MAMDC2: variants seen among roughly 807,000 people sequenced by gnomAD.
The protein encoded by MAMDC2 is MAM domain-containing protein 2.
A neutral mutation model predicts 89.8 loss-of-function variants in MAMDC2; 57 were observed. That is an observed-to-expected ratio of 0.63 (90% CI 0.51 to 0.79). The LOEUF is 0.79. MAMDC2 is among the 30% of genes least tolerant of loss of function. The probability of loss-of-function intolerance (pLI) is 0.00; values close to 1 mark genes in which losing one functional copy is unlikely to be tolerated. For synonymous variants in MAMDC2, 313 were observed against 293.4 expected (o/e 1.07, Z -0.68); for missense variants, 800 against 820.6 (o/e 0.97, Z 0.31).
At chr9:70,103,083 G>T (rs1828237912) in intron 2 of MAMDC2, among the ~76,000 whole-genome samples, 1 of 152,124 alleles carries the variant, frequency 6.6e-6, no homozygotes, top group African/African-American at 2.4e-5. Context: ...CCCCATAAAA[G>T]CAATGAGAAC....
intron 2 of MAMDC2, among the ~76,000 whole-genome samples, chr9:70,067,141 T>C (rs536773465): frequency 6.6e-6 from 1 of 152,288 alleles, no homozygotes; most frequent in Admixed American, 6.5e-5. Context: ...GATGACACTT[T>C]TGTGTTTTTC....
intron 9 of MAMDC2, among the ~76,000 whole-genome samples, chr9:70,160,583 G>A (rs1287721560): frequency 6.6e-6 from 1 of 152,188 alleles, no homozygotes; most frequent in Non-Finnish European, 1.5e-5. Context: ...GAAAATGGGT[G>A]CAAGTGAAGA....
chr9:70,095,318 T>A (rs1563951103), intron 2 of MAMDC2, among the ~76,000 whole-genome samples: 1 of 152,164 alleles, frequency 6.6e-6, no homozygotes, highest in African/African-American at 2.4e-5. Flanking sequence ...GTGTGGAGAT[T>A]AGATTAGACT....
chr9:70,113,217 C>A, intron 5 of MAMDC2, 85 bp downstream of exon 5: 1 of 1,480,562 alleles, frequency 6.8e-7, no homozygotes, highest in Non-Finnish European at 9.2e-7. Flanking sequence ...CTAGCTGTGG[C>A]TTCTGTCAAC....
intron 11 of MAMDC2, among the ~76,000 whole-genome samples, chr9:70,175,074 T>C (rs892344146): frequency 2.6e-5 from 4 of 152,154 alleles, no homozygotes; most frequent in African/African-American, 9.7e-5. Context: ...CTAGAGAGTG[T>C]TGAACTTAGG....
At chr9:70,131,136 T>G (rs2030789715) in intron 6 of MAMDC2, among the ~76,000 whole-genome samples, 1 of 152,166 alleles carries the variant, frequency 6.6e-6, no homozygotes, top group Admixed American at 6.5e-5. Flanking sequence ...ACCTACTCAT[T>G]GTGTCCGCAA....
chr9:70,058,083 C>T (rs887406753), intron 2 of MAMDC2, among the ~76,000 whole-genome samples: 1 of 152,146 alleles, frequency 6.6e-6, no homozygotes, highest in Non-Finnish European at 1.5e-5. Context: ...ACTGAGTGGG[C>T]ATGTTGGCAT....
At chr9:70,193,783 G>A (rs922730510) in intron 11 of MAMDC2, among the ~76,000 whole-genome samples, 3 of 151,986 alleles carry the variant, frequency 2.0e-5, no homozygotes, top group Admixed American at 1.3e-4. Context: ...GAATGAATGC[G>A]GTGCACTCTG....
At chr9:70,132,122 T>C (rs567327997) in intron 7 of MAMDC2, among the ~76,000 whole-genome samples, 2 of 152,374 alleles carry the variant, frequency 1.3e-5, no homozygotes, top group South Asian at 4.1e-4. Flanking sequence ...TTAATTAAAT[T>C]ACTTTCCACT....
intron 2 of MAMDC2, among the ~76,000 whole-genome samples, chr9:70,090,943 TAGAG>T (rs72183366): frequency 0.015 from 2,354 of 152,264 alleles, 63 homozygotes; most frequent in African/African-American, 0.054. Flanking sequence ...AAGCTTTAGA[TAGAG>T]AAACAGATAG....
intron 5 of MAMDC2, 45 bp from the exon 6 acceptor site, chr9:70,126,114 C>T: frequency 6.5e-7 from 1 of 1,540,938 alleles, no homozygotes; most frequent in Non-Finnish European, 8.8e-7. Context: ...TTCCCCTCCC[C>T]CACCCCCAAC....
intron 11 of MAMDC2, among the ~76,000 whole-genome samples, chr9:70,173,576 T>C (rs564910914): frequency 4.2e-4 from 64 of 152,302 alleles, no homozygotes; most frequent in African/African-American, 1.5e-3. Context: ...GTATGTGTAT[T>C]TTTCTTGAGA....
chr9:70,178,757 TAAGTC>T (rs781137666), intron 11 of MAMDC2, among the ~76,000 whole-genome samples: 22 of 152,158 alleles, frequency 1.4e-4, no homozygotes, highest in Non-Finnish European at 2.1e-4. Context: ...AGAGTTATAA[TAAGTC>T]AAGTAATAAG....
intron 2 of MAMDC2, among the ~76,000 whole-genome samples, chr9:70,103,577 G>C (rs1828250922): frequency 1.3e-5 from 2 of 151,392 alleles, no homozygotes; most frequent in African/African-American, 4.9e-5. Context: ...CCTTAAATTT[G>C]AGAATGGCTT....
chr9:70,205,603 T>A (rs2033208117), intron 11 of MAMDC2, among the ~76,000 whole-genome samples: 1 of 152,188 alleles, frequency 6.6e-6, no homozygotes, highest in Admixed American at 6.5e-5. Context: ...TGTCTGTGTG[T>A]CTCAACACAT....
chr9:70,086,287 C>T (rs1226299823), intron 2 of MAMDC2: 1 of 152,102 alleles, frequency 6.6e-6, no homozygotes, highest in Non-Finnish European at 1.5e-5. Flanking sequence ...ATCCTCCCAT[C>T]CGATTTCCAC....
intron 11 of MAMDC2, among the ~76,000 whole-genome samples, chr9:70,195,086 G>A (rs771943047): frequency 1.3e-5 from 2 of 151,904 alleles, no homozygotes; most frequent in Middle Eastern, 3.2e-3. Flanking sequence ...TTGAATAAAC[G>A]TACTAAAAAT....
At chr9:70,217,739 TA>T (rs1223610598) in intron 11 of MAMDC2, 107 of 1,125,580 alleles carry the variant, frequency 9.5e-5, no homozygotes, top group Middle Eastern at 3.0e-4. Flanking sequence ...TTTTCAAAAC[TA>T]AAAAAAAGTG....
intron 12 of MAMDC2, among the ~76,000 whole-genome samples, chr9:70,222,341 G>GT (rs1055185120): frequency 1.4e-4 from 22 of 152,298 alleles, no homozygotes; most frequent in African/African-American, 5.3e-4. Flanking sequence ...CCAAATGGTT[G>GT]TAAGTAAATA....
Sources: gnomAD v4.1 joint callset for allele counts (sites outside exome capture counted in the v4.1 genomes callset) on GRCh38, gnomAD v4.1.1 for gene constraint, MANE v1.5 for transcripts, NCBI Gene and HGNC (gene_info 2026-07-23, HGNC 2026-07-21) for gene names.